GALNT17: variants seen among roughly 807,000 people sequenced by gnomAD.
GALNT17 encodes the protein polypeptide N-acetylgalactosaminyltransferase 17.
GALNT17 carries 29 observed loss-of-function variants against 63.7 expected under a neutral mutation model. That is an observed-to-expected ratio of 0.46 (90% confidence interval 0.34 to 0.62). GALNT17 has a LOEUF of 0.62. GALNT17 is among the 20% of genes least tolerant of loss of function. The probability of loss-of-function intolerance (pLI) is 0.01; values close to 1 mark genes in which losing one functional copy is unlikely to be tolerated. For missense variants in GALNT17, 603 were observed against 799.6 expected (o/e 0.75, Z 2.97); for synonymous variants, 305 against 318.3 (o/e 0.96, Z 0.45).
chr7:71,258,006 C>G (rs1017394792), intron 1 of GALNT17, among the ~76,000 whole-genome samples: 2 of 152,194 alleles, frequency 1.3e-5, no homozygotes, highest in Non-Finnish European at 2.9e-5. Context: ...TCGCTCCCCT[C>G]GGCCGTATCC....
chr7:71,603,855 C>T (rs1172805609), intron 6 of GALNT17, among the ~76,000 whole-genome samples: 1 of 150,150 alleles, frequency 6.7e-6, no homozygotes, highest in Non-Finnish European at 1.5e-5. Flanking sequence ...GTGCATACAC[C>T]AGGCACTGTG....
chr7:71,295,112 C>G (rs1413104134), intron 1 of GALNT17, among the ~76,000 whole-genome samples: 1 of 152,148 alleles, frequency 6.6e-6, no homozygotes, highest in African/African-American at 2.4e-5. Context: ...GCCGAGGATA[C>G]ACTTTCTATA....
At chr7:71,629,917 A>G (rs1005464797) in intron 6 of GALNT17, among the ~76,000 whole-genome samples, 1 of 151,660 alleles carries the variant, frequency 6.6e-6, no homozygotes, top group Non-Finnish European at 1.5e-5. Flanking sequence ...CCACTATACC[A>G]GGCCAAAGTC....
intron 2 of GALNT17, among the ~76,000 whole-genome samples, chr7:71,348,733 A>T (rs954432886): frequency 1.3e-5 from 2 of 152,156 alleles, no homozygotes; most frequent in African/African-American, 4.8e-5. Context: ...TTAAGTAAGG[A>T]TTGTAGACAG....
intron 1 of GALNT17, among the ~76,000 whole-genome samples, chr7:71,170,689 G>T (rs1214118439): frequency 2.0e-5 from 3 of 152,074 alleles, no homozygotes; most frequent in Admixed American, 6.6e-5. Context: ...GTGTGTACAT[G>T]TGTGTTTGTC....
intron 6 of GALNT17, among the ~76,000 whole-genome samples, chr7:71,589,005 A>G (rs1039303364): frequency 6.6e-6 from 1 of 152,188 alleles, no homozygotes; most frequent in Non-Finnish European, 1.5e-5. Context: ...GCCCTTAAAA[A>G]GCTAAACGTG....
intron 6 of GALNT17, among the ~76,000 whole-genome samples, chr7:71,589,675 G>T (rs778090963): frequency 6.6e-6 from 1 of 152,028 alleles, no homozygotes; most frequent in Non-Finnish European, 1.5e-5. Context: ...TTCAGTGCTC[G>T]TGAGATTTCT....
intron 1 of GALNT17, among the ~76,000 whole-genome samples, chr7:71,221,571 C>T (rs1789585191): frequency 6.6e-6 from 1 of 151,996 alleles, no homozygotes; most frequent in African/African-American, 2.4e-5. Context: ...TCTCCTTTTG[C>T]TTTCTTGTCC....
At chr7:71,382,580 C>T (rs980769745) in intron 2 of GALNT17, among the ~76,000 whole-genome samples, 7 of 152,006 alleles carry the variant, frequency 4.6e-5, no homozygotes, top group Non-Finnish European at 1.0e-4. Flanking sequence ...GAGATAATTG[C>T]ACTGCAGTAA....
intron 1 of GALNT17, among the ~76,000 whole-genome samples, chr7:71,185,207 GTC>G (rs1562895333): frequency 7.7e-6 from 1 of 129,512 alleles, no homozygotes; most frequent in African/African-American, 3.0e-5. Flanking sequence ...CTGTCTGTCT[GTC>G]TCTCTCTCTT....
chr7:71,373,335 C>T (rs1792661109), intron 2 of GALNT17, among the ~76,000 whole-genome samples: 1 of 152,054 alleles, frequency 6.6e-6, no homozygotes, highest in Admixed American at 6.6e-5. Flanking sequence ...GTTAGGAGGG[C>T]CTGCTTTCTG....
intron 6 of GALNT17, among the ~76,000 whole-genome samples, chr7:71,615,557 A>C (rs577369151): frequency 7.2e-6 from 1 of 139,846 alleles, no homozygotes; most frequent in African/African-American, 2.7e-5. Context: ...GCTCACTGCA[A>C]CCTCTGCCTC....
intron 9 of GALNT17, among the ~76,000 whole-genome samples, chr7:71,694,870 G>A (rs937098785): frequency 3.9e-5 from 6 of 152,200 alleles, no homozygotes; most frequent in African/African-American, 1.4e-4. Context: ...CAGAAATGCT[G>A]CTGTAGTTGG....
intron 5 of GALNT17, among the ~76,000 whole-genome samples, chr7:71,519,049 T>C (rs1209864016): frequency 6.6e-6 from 1 of 152,120 alleles, no homozygotes; most frequent in Non-Finnish European, 1.5e-5. Flanking sequence ...CAAGTTAATG[T>C]GTTACCCTCA....
intron 2 of GALNT17, among the ~76,000 whole-genome samples, chr7:71,339,162 T>C (rs1293460509): frequency 1.3e-5 from 2 of 152,314 alleles, no homozygotes; most frequent in East Asian, 1.9e-4. Context: ...ACAAGTATTA[T>C]TGAGCACTTA....
At chr7:71,138,506 G>A (rs1415521633) in intron 1 of GALNT17, among the ~76,000 whole-genome samples, 2 of 152,116 alleles carry the variant, frequency 1.3e-5, no homozygotes, top group Non-Finnish European at 1.5e-5. Context: ...GTGGACCCAC[G>A]CAGTTCAGAC....
intron 6 of GALNT17, among the ~76,000 whole-genome samples, chr7:71,662,340 G>T (rs111834842): frequency 1.6e-5 from 2 of 128,360 alleles, no homozygotes; most frequent in Admixed American, 8.4e-5. Context: ...CTATCTGTCT[G>T]TCTGTCTGTC....
intron 6 of GALNT17, among the ~76,000 whole-genome samples, chr7:71,588,682 A>G (rs1306633939): frequency 1.3e-5 from 2 of 152,106 alleles, no homozygotes; most frequent in East Asian, 1.9e-4. Context: ...CAGTTCTACA[A>G]TGTCGGACAA....
chr7:71,373,898 T>C (rs1275527220), intron 2 of GALNT17, among the ~76,000 whole-genome samples: 1 of 152,222 alleles, frequency 6.6e-6, no homozygotes, highest in East Asian at 1.9e-4. Flanking sequence ...TATCATATTG[T>C]TAAACACCAT....
Sources: allele counts gnomAD v4.1 joint callset (sites outside exome capture counted in the v4.1 genomes callset), GRCh38; gene constraint gnomAD v4.1.1; transcripts MANE v1.5; gene names NCBI Gene and HGNC (gene_info 2026-07-23, HGNC 2026-07-21).